NIN: variants seen among roughly 807,000 people sequenced by gnomAD.
The protein encoded by NIN is glycogen synthase kinase 3 beta-interacting protein.
In NIN, 137 loss-of-function variants were observed where a neutral mutation model predicts 257.6. That is an observed-to-expected ratio of 0.53 (90% CI 0.46 to 0.61). NIN has a LOEUF of 0.61. NIN is among the 20% of genes least tolerant of loss of function. NIN has a pLI of 0.00. For synonymous variants in NIN, 918 were observed against 919.8 expected (o/e 1.00, Z 0.04); for missense variants, 2,439 against 2,501.2 (o/e 0.98, Z 0.53).
chr14:50,747,326 T>C (rs529599164), intron 22 of NIN, among the ~76,000 whole-genome samples: 153 of 141,512 alleles, frequency 1.1e-3, no homozygotes, highest in Non-Finnish European at 1.9e-3. Flanking sequence ...AGAAAAGTTA[T>C]AAGCAAGATA....
At chr14:50,765,543 G>A (rs367618071) in intron 14 of NIN, among the ~76,000 whole-genome samples, 19 of 151,984 alleles carry the variant, frequency 1.3e-4, no homozygotes, top group African/African-American at 4.1e-4. Flanking sequence ...AAATAAACAC[G>A]TGTTTCTGGT....
chr14:50,734,615 A>C (rs2040885348), intron 28 of NIN, among the ~76,000 whole-genome samples: 1 of 152,180 alleles, frequency 6.6e-6, no homozygotes, highest in East Asian at 1.9e-4. Context: ...GGTATTCAGA[A>C]AGCAATCTAG....
rs769749021 is a variant in NIN, at chr14:50,756,990, A to G, written c.4040T>C (p.Leu1347Ser). The G allele has an allele frequency of 1.9e-6, 3 of 1,613,298 alleles. No homozygotes were observed. The highest frequency in any genetic ancestry group is 1.7e-6 in the Non-Finnish European group (2 of 1,179,690). Residue 1347 changes from leucine (L) to serine (S), a missense_variant, in exon 18 of 31, where the codon TTA becomes TCA. Leu to Ser is a moderately radical substitution (Grantham distance 145). This residue lies in a region of NIN where 2,043 missense variants were observed against 2,050.2 expected (regional missense o/e 1.00). Coordinates refer to ENST00000530997, the MANE Select transcript of NIN (RefSeq NM_020921.4). ...CAGGTTCTCTAAACTGGCTTCCCAT[A>G]AGCAGCAGTCACACCGCTGGACCAC... The part of the protein sequence containing the change: ...ESVVQRCDCC[L>S]WEASLENLEI...
intron 28 of NIN, chr14:50,730,946 G>A (rs374364084): frequency 2.2e-5 from 30 of 1,348,280 alleles, no homozygotes; most frequent in Non-Finnish European, 2.9e-5. Flanking sequence ...CTCAGGCAGA[G>A]AACTGCACCC....
chr14:50,792,101 G>A (rs2142020839), intron 5 of NIN: 1 of 152,350 alleles, frequency 6.6e-6, no homozygotes, highest in East Asian at 1.9e-4. Flanking sequence ...TGAAAAGATG[G>A]GGGATGAGGG....
intron 4 of NIN, among the ~76,000 whole-genome samples, chr14:50,802,659 T>C (rs1168138665): frequency 6.6e-6 from 1 of 152,202 alleles, no homozygotes; most frequent in Non-Finnish European, 1.5e-5. Flanking sequence ...GATAATGTCA[T>C]TTAGATATTA....
intron 21 of NIN, among the ~76,000 whole-genome samples, chr14:50,749,124 T>G (rs1307081731): frequency 6.6e-6 from 1 of 151,976 alleles, no homozygotes; most frequent in African/African-American, 2.4e-5. Flanking sequence ...TATAGACCAA[T>G]GGAACAGAAC....
chr14:50,751,143 A>AC lies in NIN; in HGVS notation c.4950+1374_4950+1375insG, dbSNP rs549096243. 6.8e-3 allele frequency among the ~76,000 whole-genome samples: 1,027 copies of AC among 152,080 alleles called. 9 individuals carry two copies. Among genetic ancestry groups the AC allele is most frequent in the African/African-American group, 0.023 (954 of 41,426 alleles). On this transcript the variant is annotated intron_variant, in intron 21 of 30. Transcript: ENST00000530997. Reference sequence around the variant, plus strand: ...CAGTACTACTTCATGGTATGGACATAACCCCCACATGTATTCACCTACTCT... The same window carrying AC: ...CAGTACTACTTCATGGTATGGACATACACCCCCACATGTATTCACCTACTCT...
At chr14:50,812,949 G>C (rs2044706296) in intron 3 of NIN, among the ~76,000 whole-genome samples, 2 of 152,184 alleles carry the variant, frequency 1.3e-5, no homozygotes, top group Admixed American at 1.3e-4. Flanking sequence ...CTTAAGTCTT[G>C]CATTGATCTT....
chr14:50,772,192 G>T (rs2141821194), intron 9 of NIN, 109 bp downstream of exon 9: 3 of 1,018,328 alleles, frequency 2.9e-6, no homozygotes, highest in South Asian at 3.6e-5. Flanking sequence ...TTTGTGAACA[G>T]AAGTACCATT....
At chr14:50,751,031 C>G (rs1179191974) in intron 21 of NIN, among the ~76,000 whole-genome samples, 1 of 152,038 alleles carries the variant, frequency 6.6e-6, no homozygotes, top group East Asian at 1.9e-4. Flanking sequence ...CTTCTTTGCA[C>G]TTTTCTTTTT....
chr14:50,777,972 T>C (rs2042983041), intron 6 of NIN, among the ~76,000 whole-genome samples: 1 of 152,194 alleles, frequency 6.6e-6, no homozygotes, highest in African/African-American at 2.4e-5. Flanking sequence ...ATTAAGCCCA[T>C]TACTGCTGTG....
intron 25 of NIN, among the ~76,000 whole-genome samples, chr14:50,741,282 G>A (rs1242140327): frequency 2.0e-5 from 3 of 152,046 alleles, no homozygotes; most frequent in African/African-American, 7.2e-5. Context: ...AAAAAGACCT[G>A]TTTTATATCA....
intron 21 of NIN, among the ~76,000 whole-genome samples, chr14:50,751,535 T>TAG (rs2140698485): frequency 6.6e-6 from 1 of 152,316 alleles, no homozygotes; most frequent in East Asian, 1.9e-4. Flanking sequence ...TTCTGAACAT[T>TAG]TTTCCATAGA....
intron 12 of NIN, among the ~76,000 whole-genome samples, chr14:50,767,599 T>C (rs369038458): frequency 0.011 from 1,746 of 152,122 alleles, 29 homozygotes; most frequent in African/African-American, 0.037. Flanking sequence ...GGGCGGATCA[T>C]GAGGTCAGGA....
chr14:50,738,797 T>G (rs2041129742), intron 26 of NIN, among the ~76,000 whole-genome samples: 1 of 152,178 alleles, frequency 6.6e-6, no homozygotes, highest in Admixed American at 6.5e-5. Flanking sequence ...CTCTTCAGAG[T>G]TCCTCCTCAA....
intron 5 of NIN, among the ~76,000 whole-genome samples, chr14:50,781,397 C>T (rs1171775722): frequency 3.9e-5 from 6 of 152,162 alleles, no homozygotes; most frequent in Non-Finnish European, 7.4e-5. Context: ...AAAAAATCCT[C>T]GTCATTACTA....
Position 50,763,918 on chromosome 14 carries a change from T to C in NIN, c.1682A>G (p.Tyr561Cys), listed in dbSNP as rs751167773. 1.4e-5 allele frequency: 23 copies of C among 1,614,040 alleles called. No homozygotes were observed. In the East Asian group the frequency reaches 5.1e-4, roughly 36 times the overall value. Reference protein sequence around the residue: ...VDELQSELEEYRAQGRVLRLP... With the variant: ...VDELQSELEECRAQGRVLRLP... Reference sequence around the variant, plus strand: ...CCTGAGCACTCTGCCTTGTGCACGATATTCTTCCAGCTCAGACTGGAGTTC... The same window carrying C: ...CCTGAGCACTCTGCCTTGTGCACGACATTCTTCCAGCTCAGACTGGAGTTC... Residue 561 changes from tyrosine (Y) to cysteine (C), a missense_variant, in exon 15 of 31, where the codon TAT (tyrosine) becomes TGT (cysteine). Tyr to Cys is a radical substitution (Grantham distance 194). Transcript: ENST00000530997.
chr14:50,818,139 T>C (rs1200718907), intron 3 of NIN, among the ~76,000 whole-genome samples: 2 of 151,518 alleles, frequency 1.3e-5, no homozygotes, highest in African/African-American at 2.4e-5. Context: ...CTGGCTAACA[T>C]GGTGAAACCC....
Sources: gnomAD v4.1 joint callset for allele counts (sites outside exome capture counted in the v4.1 genomes callset) on GRCh38, gnomAD v4.1.1 for gene constraint, gnomAD v4.1.1 regional missense constraint, MANE v1.5 for transcripts, NCBI Gene and HGNC (gene_info 2026-07-23, HGNC 2026-07-21) for gene names.